The following DPY30 variants were observed in gnomAD, a reference collection of about 807,000 sequenced individuals.
The protein encoded by DPY30 is protein dpy-30 homolog.
A neutral mutation model predicts 16.2 loss-of-function variants in DPY30; 6 were observed. That is an observed-to-expected ratio of 0.37 (90% CI 0.20 to 0.73). The LOEUF is 0.73. Ranked by LOEUF, DPY30 falls within the 30% of genes least tolerant of loss-of-function variation. DPY30 has a pLI of 0.51. For missense variants in DPY30, 73 were observed against 113.1 expected (o/e 0.65, Z 1.61); for synonymous variants, 39 against 38.8 (o/e 1.00, Z -0.02).
chr2:32,033,745 TC>T (rs1436809473), intron 3 of DPY30, among the ~76,000 whole-genome samples: 1 of 152,212 alleles, frequency 6.6e-6, no homozygotes, highest in Non-Finnish European at 1.5e-5. Flanking sequence ...AACCAAATCC[TC>T]CCATTTATTT....
At chr2:32,037,924 G>A (rs1339775631) in intron 3 of DPY30, among the ~76,000 whole-genome samples, 1 of 151,744 alleles carries the variant, frequency 6.6e-6, no homozygotes, top group Non-Finnish European at 1.5e-5. Flanking sequence ...GCATTTCTAA[G>A]CACAGTAATA....
At chr2:32,027,660 G>A (rs1675383255) in intron 4 of DPY30, among the ~76,000 whole-genome samples, 1 of 125,690 alleles carries the variant, frequency 8.0e-6, no homozygotes, top group Non-Finnish European at 1.6e-5. Context: ...AGACGGAGTC[G>A]CTCTGTTGCC....
downstream of DPY30, chr2:32,023,827 G>A: frequency 7.7e-7 from 1 of 1,303,696 alleles, no homozygotes; most frequent in Non-Finnish European, 1.0e-6. Flanking sequence ...TTTGAAGACA[G>A]AAGAAAAAGA....
At chr2:32,027,627 ATTTTTTT>A (rs1190753873) in intron 4 of DPY30, among the ~76,000 whole-genome samples, 1 of 117,918 alleles carries the variant, frequency 8.5e-6, no homozygotes, top group Non-Finnish European at 1.7e-5. Context: ...CAAGATACCC[ATTTTTTT>A]TTTTTTTTTT....
At chr2:32,019,373 C>T (rs910664822), downstream of DPY30, among the ~76,000 whole-genome samples, 4 of 152,128 alleles carry the variant, frequency 2.6e-5, no homozygotes, top group South Asian at 2.1e-4. Flanking sequence ...ATTAGCCTGG[C>T]GTGGTGGTGC....
At chr2:32,016,912 T>TTG (rs1675076512) in intron 5 of DPY30, among the ~76,000 whole-genome samples, 1 of 152,196 alleles carries the variant, frequency 6.6e-6, no homozygotes. Flanking sequence ...AGACAGAGTG[T>TTG]CATTCTGTCA....
At chr2:32,026,826 A>G (rs1458816843) in intron 4 of DPY30, among the ~76,000 whole-genome samples, 2 of 151,948 alleles carry the variant, frequency 1.3e-5, no homozygotes. Flanking sequence ...AAATAAATAA[A>G]TAAATACAGT....
chr2:32,035,936 G>GAAAAAAAAAAAA (rs762915217), intron 3 of DPY30, among the ~76,000 whole-genome samples: 1 of 50,354 alleles, frequency 2.0e-5, no homozygotes, highest in Non-Finnish European at 4.2e-5. Context: ...CAGTCTCGAA[G>GAAAAAAAAAAAA]AAAAAAAAAA....
intron 3 of DPY30, among the ~76,000 whole-genome samples, chr2:32,030,800 A>T (rs1675510744): frequency 6.6e-6 from 1 of 151,994 alleles, no homozygotes; most frequent in African/African-American, 2.4e-5. Context: ...CCCTGTCTCT[A>T]AATAAATAAA....
chr2:32,034,494 A>C (rs1029985607), intron 3 of DPY30, among the ~76,000 whole-genome samples: 38 of 152,194 alleles, frequency 2.5e-4, no homozygotes, highest in African/African-American at 8.7e-4. Context: ...GAACTGACTC[A>C]TTACCAAAAG....
At chr2:32,033,311 A>C (rs1192705104) in intron 3 of DPY30, among the ~76,000 whole-genome samples, 1 of 151,858 alleles carries the variant, frequency 6.6e-6, no homozygotes, top group Non-Finnish European at 1.5e-5. Flanking sequence ...CTGTCTCAAA[A>C]AAAGAAAAAA....
chr2:32,027,472 G>C lies in DPY30; in HGVS notation c.227+2122C>G, dbSNP rs187692823. Among the ~76,000 whole-genome samples, 6 of 148,960 alleles carry C rather than the reference G, an allele frequency of 4.0e-5. No homozygotes were observed. The East Asian group carries it at 1.2e-3, about 30-fold the overall frequency. The stretch of plus-strand genomic sequence containing the variant: ...TTGAACCCAGGAGGTGGAGGTTGCA[G>C]TGACCTGAGATCATGCCACTGCATT... On this transcript the variant is annotated intron_variant, in intron 4 of 4. Transcript: ENST00000342166.
chr2:32,014,727 C>T (rs1034388653), intron 5 of DPY30, among the ~76,000 whole-genome samples: 2 of 151,888 alleles, frequency 1.3e-5, no homozygotes, highest in Non-Finnish European at 2.9e-5. Context: ...TCGTGATCTG[C>T]CCGCCTCGGC....
intron 4 of DPY30, among the ~76,000 whole-genome samples, chr2:32,025,397 A>T (rs1675290580): frequency 4.6e-5 from 7 of 152,012 alleles, no homozygotes. Context: ...CGGGAGGTGG[A>T]GGTTGCAGTG....
At chr2:32,025,804 A>C (rs1272600739) in intron 4 of DPY30, among the ~76,000 whole-genome samples, 1 of 150,344 alleles carries the variant, frequency 6.7e-6, no homozygotes. Flanking sequence ...CCGGGGGGAA[A>C]AAAAAAACAA....
At chr2:32,037,193 G>A (rs1490253122) in intron 3 of DPY30, among the ~76,000 whole-genome samples, 1 of 151,976 alleles carries the variant, frequency 6.6e-6, no homozygotes, top group Non-Finnish European at 1.5e-5. Flanking sequence ...TACCTTTTGG[G>A]AAAGATGGAA....
chr2:32,023,383 C>T, downstream of DPY30: 2 of 465,624 alleles, frequency 4.3e-6, no homozygotes. Flanking sequence ...AATTCAGCAA[C>T]ACATTGGTAG....
In DPY30 at chr2:32,030,593, A is replaced by G. The variant is rs371095963; in HGVS notation, c.85-857T>C. Among the ~76,000 whole-genome samples the G allele has an allele frequency of 9.7e-3, 1,446 of 149,508 alleles. 25 individuals are homozygous for G. Among genetic ancestry groups the G allele is most frequent in the South Asian group, 0.046 (218 of 4,690 alleles). On this transcript the variant is annotated intron_variant, in intron 3 of 4. Coordinates refer to ENST00000342166, the MANE Select transcript of DPY30 (RefSeq NM_001321209.2). ...TGCAGTGAGCCGAGATCGCGCCACC[A>G]CACTCCAGCCTGGGCGACAGAGCGA... is the stretch of plus-strand genomic sequence containing the variant.
intron 5 of DPY30, among the ~76,000 whole-genome samples, chr2:32,017,249 CA>C (rs1395560756): frequency 2.6e-5 from 4 of 152,150 alleles, no homozygotes; most frequent in Non-Finnish European, 4.4e-5. Flanking sequence ...TGATGCTCTC[CA>C]TTACCTCAGT....
Sources: allele counts gnomAD v4.1 joint callset (sites outside exome capture counted in the v4.1 genomes callset), GRCh38; gene constraint gnomAD v4.1.1; transcripts MANE v1.5; gene names NCBI Gene and HGNC (gene_info 2026-07-23, HGNC 2026-07-21).